THSD7B: variants seen among roughly 807,000 people sequenced by gnomAD.
The protein encoded by THSD7B is thrombospondin type 1 domain containing 7B.
Under a neutral mutation model 213.6 loss-of-function variants are expected in THSD7B, and 138 were observed. That is an observed-to-expected ratio of 0.65 (90% CI 0.56 to 0.74). The LOEUF (loss-of-function observed/expected upper bound fraction) is 0.74. Ranked by LOEUF, THSD7B falls within the 30% of genes least tolerant of loss-of-function variation. THSD7B has a pLI of 0.00. For missense variants in THSD7B, 1,931 were observed against 1,991.5 expected, an observed-to-expected ratio of 0.97 and a Z score of 0.58; for synonymous variants, 742 against 687.0, an observed-to-expected ratio of 1.08 and a Z score of -1.25.
rs542199830 is a variant in THSD7B at position 136,898,674 on chromosome 2, C to G, written c.139+16357C>G. Among the ~76,000 whole-genome samples the G allele has an allele frequency of 2.2e-5, 3 of 136,408 alleles. No individual in the cohort carries two copies. In the South Asian group the frequency reaches 7.2e-4, roughly 33 times the overall value. 89.5% of individuals were successfully genotyped at this position (136,408 alleles called of 152,430 possible). A position where few individuals can be genotyped will look rare whatever the true frequency, so the allele number is the denominator to read the frequency against. ...TTTTTTTTTTTTTGAAATGGAGTCTCCCCCCATCACCAGGCTGGAGTGCAG... is the reference window on the plus strand; with the variant it reads ...TTTTTTTTTTTTTGAAATGGAGTCTGCCCCCATCACCAGGCTGGAGTGCAG... On this transcript the variant is annotated intron_variant, in intron 2 of 27. Coordinates refer to ENST00000409968, the MANE Select transcript of THSD7B (RefSeq NM_001316349.2).
chr2:137,331,105 A>G (rs906673472), intron 12 of THSD7B, among the ~76,000 whole-genome samples: 5 of 146,984 alleles, frequency 3.4e-5, no homozygotes, highest in South Asian at 2.2e-4. Flanking sequence ...TGAGCTAGAT[A>G]CAGAGTGCCG....
chr2:136,880,809 A>T (rs1683608849), intron 1 of THSD7B, among the ~76,000 whole-genome samples: 1 of 152,076 alleles, frequency 6.6e-6, no homozygotes, highest in African/African-American at 2.4e-5. Flanking sequence ...AACTGCCCTC[A>T]ATTTCTCTAC....
intron 1 of THSD7B, among the ~76,000 whole-genome samples, chr2:136,819,562 C>T (rs1406022566): frequency 2.0e-5 from 3 of 152,116 alleles, no homozygotes; most frequent in Non-Finnish European, 4.4e-5. Flanking sequence ...AAAAGGCACT[C>T]ACTCTCCCTG....
chr2:137,663,511 C>A lies in THSD7B; in HGVS notation c.4587C>A (p.Asn1529Lys). 1 of 1,607,486 alleles carries A rather than the reference C, an allele frequency of 6.2e-7. No homozygotes were observed. The highest frequency in any genetic ancestry group is 8.5e-7 in the Non-Finnish European group (1 of 1,176,594). Residue 1529 changes from asparagine to lysine, a missense_variant, in exon 26 of 28, where the codon AAC (asparagine) becomes AAA (lysine). Asn to Lys is a moderately conservative substitution (Grantham distance 94). Transcript: ENST00000409968. ...ATGTGAAAAACCTTTCTGGGAAAAA[C>A]AGACCTGTGAATTCAAAAATACATG... is the stretch of plus-strand genomic sequence containing the variant. The part of the protein sequence containing the change: ...KADVKNLSGK[N>K]RPVNSKIHDI...
Position 136,803,289 on chromosome 2 carries a change from C to A in THSD7B, c.-36+37602C>A, listed in dbSNP as rs189842057. ...GAAGAAGTGAATGTACTACCAGAAC[C>A]CCAATATAACTATTGTGATTGAATC... On this transcript the variant is annotated intron_variant, in intron 1 of 27. Transcript: ENST00000409968. 2.1e-4 allele frequency among the ~76,000 whole-genome samples: 32 copies of A among 152,122 alleles called. No homozygotes were observed. The East Asian group carries it at 6.0e-3, about 28-fold the overall frequency.
chr2:137,619,960 T>C (rs1682486191), intron 19 of THSD7B, among the ~76,000 whole-genome samples: 1 of 152,244 alleles, frequency 6.6e-6, no homozygotes, highest in African/African-American at 2.4e-5. Context: ...GTGTTATTCC[T>C]AGAGCAGAAT....
chr2:136,982,602 T>C (rs1395341061), intron 2 of THSD7B, among the ~76,000 whole-genome samples: 2 of 152,152 alleles, frequency 1.3e-5, no homozygotes, highest in Admixed American at 1.3e-4. Context: ...GTGAGTAAAA[T>C]GTGGAATTGT....
intron 2 of THSD7B, among the ~76,000 whole-genome samples, chr2:137,036,501 A>T (rs1423008244): frequency 1.3e-5 from 2 of 152,328 alleles, no homozygotes; most frequent in East Asian, 3.9e-4. Flanking sequence ...TCATTTCAGT[A>T]TACTTGAAGT....
chr2:136,816,522 T>C lies in THSD7B; in HGVS notation c.-36+50835T>C, dbSNP rs150567144. 8.7e-3 allele frequency among the ~76,000 whole-genome samples: 1,330 copies of C among 152,346 alleles called. 17 individuals carry two copies. Among genetic ancestry groups the C allele is most frequent in the African/African-American group, 0.03 (1,253 of 41,568 alleles). On this transcript the variant is annotated intron_variant, in intron 1 of 27. Transcript: ENST00000409968. ...ACAGTTTATTTACCCAATATCTCTG[T>C]TCTTGAAGTTTTTGAGTTTTTGTTT...
chr2:137,660,120 T>G (rs1214993623), intron 25 of THSD7B, among the ~76,000 whole-genome samples: 1 of 152,236 alleles, frequency 6.6e-6, no homozygotes, highest in Admixed American at 6.5e-5. Flanking sequence ...TGTATTACAC[T>G]ATGATTACTG....
At chr2:137,057,376 T>A in intron 3 of THSD7B, 146 bp downstream of exon 3, 1 of 827,828 alleles carries the variant, frequency 1.2e-6, no homozygotes, top group Non-Finnish European at 1.8e-6. Context: ...AAGAAATTTT[T>A]AATTTCACTG....
At chr2:137,234,160 AAC>A (rs935076919) in intron 9 of THSD7B, among the ~76,000 whole-genome samples, 1 of 152,244 alleles carries the variant, frequency 6.6e-6, no homozygotes, top group Non-Finnish European at 1.5e-5. Flanking sequence ...CTCAGGAAGA[AAC>A]AGATATGCAG....
intron 2 of THSD7B, among the ~76,000 whole-genome samples, chr2:137,049,244 C>T (rs559263433): frequency 6.7e-6 from 1 of 149,554 alleles, no homozygotes; most frequent in East Asian, 2.1e-4. Context: ...GCGGGGCCTT[C>T]GGCCCCACAC....
Position 137,400,047 on chromosome 2 carries a change from T to A in THSD7B, c.2501-5566T>A, listed in dbSNP as rs1169400294. On this transcript the variant is annotated intron_variant, in intron 12 of 27. Transcript: ENST00000409968. ...TTCAGATCTATTATTTCTGTTTTTTTAAATAAATATATCTTATCACCTTGG... is the reference window on the plus strand; with the variant it reads ...TTCAGATCTATTATTTCTGTTTTTTAAAATAAATATATCTTATCACCTTGG... Among the ~76,000 whole-genome samples, 6 of 152,276 alleles carry A rather than the reference T, an allele frequency of 3.9e-5. 1 individual carries two copies. The East Asian group carries it at 5.8e-4, about 15-fold the overall frequency.
In THSD7B at chr2:137,133,542, A is replaced by G. The variant is rs564610076; in HGVS notation, c.1369+18249A>G. 2.0e-5 allele frequency among the ~76,000 whole-genome samples: 3 copies of G among 151,938 alleles called. No homozygotes were observed. The East Asian group carries it at 5.8e-4, about 29-fold the overall frequency. On this transcript the variant is annotated intron_variant, in intron 5 of 27. Transcript: ENST00000409968. ...TCTGAGTAAATAAAGTTGGCGTGGG[A>G]GTGGGATCCTGCATTTCTAGTAAGT...
intron 12 of THSD7B, among the ~76,000 whole-genome samples, chr2:137,369,808 T>C (rs76383393): frequency 0.013 from 2,014 of 152,256 alleles, 56 homozygotes; most frequent in African/African-American, 0.047. Flanking sequence ...TAAATTACAT[T>C]GCCCACCCTT....
intron 2 of THSD7B, among the ~76,000 whole-genome samples, chr2:136,923,838 AT>A (rs1294931529): frequency 6.6e-6 from 1 of 152,132 alleles, no homozygotes; most frequent in Non-Finnish European, 1.5e-5. Context: ...AGTTCCTTAT[AT>A]GTTCTGGATA....
chr2:137,233,984 A>C (rs1166997961), intron 9 of THSD7B, among the ~76,000 whole-genome samples: 1 of 152,192 alleles, frequency 6.6e-6, no homozygotes, highest in African/African-American at 2.4e-5. Flanking sequence ...GCTTTGGTCT[A>C]GTGTCATAAG....
intron 12 of THSD7B, among the ~76,000 whole-genome samples, chr2:137,292,594 T>C (rs753445396): frequency 6.6e-6 from 1 of 152,196 alleles, no homozygotes; most frequent in Non-Finnish European, 1.5e-5. Context: ...TCCAATCTAC[T>C]GTTAACATAG....
Sources: gnomAD v4.1 joint callset for allele counts (sites outside exome capture counted in the v4.1 genomes callset) on GRCh38, gnomAD v4.1.1 for gene constraint, MANE v1.5 for transcripts, NCBI Gene and HGNC (gene_info 2026-07-23, HGNC 2026-07-21) for gene names.